The following XKR9 variants were observed in gnomAD, a reference collection of about 807,000 sequenced individuals.
XKR9 encodes XK-related protein 9.
Under a neutral mutation model 32.0 loss-of-function variants are expected in XKR9, and 32 were observed. The observed-to-expected ratio is 1.00, with a 90% confidence interval of 0.76 to 1.34. The LOEUF (loss-of-function observed/expected upper bound fraction) is 1.34, where lower values mean the gene tolerates loss of function less well. Ranked by LOEUF, XKR9 falls within the 40% of genes most tolerant of loss-of-function variation. XKR9 has a pLI of 0.00. For missense variants in XKR9, 546 were observed against 429.7 expected (o/e 1.27, Z -2.39); for synonymous variants, 168 against 143.4 (o/e 1.17, Z -1.22).
the XKR9 span, among the ~76,000 whole-genome samples, chr8:70,914,280 A>G: frequency 1.1e-4 from 17 of 152,298 alleles, no homozygotes; most frequent in Admixed American, 7.2e-4. Context: ...GCATCATAGC[A>G]GATACATATG....
At chr8:70,728,478 C>T (rs888681866) in intron 4 of XKR9, among the ~76,000 whole-genome samples, 7 of 152,064 alleles carry the variant, frequency 4.6e-5, no homozygotes, top group Non-Finnish European at 7.4e-5. Context: ...AGTTTTAGTA[C>T]AGCATTTAAG....
At chr8:70,858,016 A>G in the XKR9 span, among the ~76,000 whole-genome samples, 3 of 152,192 alleles carry the variant, frequency 2.0e-5, no homozygotes, top group African/African-American at 7.2e-5. Context: ...AGCATACTGA[A>G]TGGGCAAAAA....
At chr8:70,702,317 T>C (rs1204243929) in intron 3 of XKR9, among the ~76,000 whole-genome samples, 3 of 152,148 alleles carry the variant, frequency 2.0e-5, no homozygotes, top group South Asian at 2.1e-4. Flanking sequence ...CTTTTTGCCT[T>C]TATTAAGACT....
intron 4 of XKR9, among the ~76,000 whole-genome samples, chr8:70,730,712 A>G (rs1806635756): frequency 6.6e-6 from 1 of 152,188 alleles, no homozygotes; most frequent in Non-Finnish European, 1.5e-5. Context: ...ATAATAAACC[A>G]GAGAGAAATT....
At chr8:70,752,591 T>A (rs1807157815) in intron 2 of XKR9, among the ~76,000 whole-genome samples, 1 of 152,152 alleles carries the variant, frequency 6.6e-6, no homozygotes. Flanking sequence ...CCTCTTAAAG[T>A]CACAAGCTCC....
the XKR9 span, among the ~76,000 whole-genome samples, chr8:71,039,400 C>A: frequency 1.3e-5 from 2 of 152,086 alleles, no homozygotes; most frequent in African/African-American, 2.4e-5. Context: ...TAACACAAAG[C>A]AATTTTATAA....
intron 2 of XKR9, among the ~76,000 whole-genome samples, chr8:70,749,652 T>A (rs1185122380): frequency 6.6e-6 from 1 of 152,214 alleles, no homozygotes; most frequent in African/African-American, 2.4e-5. Context: ...TGGCTCACCC[T>A]TGGCAGGCAT....
chr8:70,797,199 T>G, the XKR9 span, among the ~76,000 whole-genome samples: 1 of 151,864 alleles, frequency 6.6e-6, no homozygotes, highest in Non-Finnish European at 1.5e-5. Context: ...ACAGTCAGAG[T>G]GAGGGGTGTG....
At chr8:70,788,409 G>T (rs779720592) in intron 2 of XKR9, among the ~76,000 whole-genome samples, 2 of 152,094 alleles carry the variant, frequency 1.3e-5, no homozygotes, top group African/African-American at 4.8e-5. Flanking sequence ...ATACAAGTAT[G>T]GTTGCTACCG....
the XKR9 span, among the ~76,000 whole-genome samples, chr8:71,042,014 C>T: frequency 0.017 from 2,551 of 152,072 alleles, 63 homozygotes; most frequent in African/African-American, 0.058. Flanking sequence ...ATGCCTATAT[C>T]GGATGCCATA....
chr8:71,039,941 ATCATT>A, the XKR9 span, among the ~76,000 whole-genome samples: 1 of 152,190 alleles, frequency 6.6e-6, no homozygotes, highest in Non-Finnish European at 1.5e-5. Context: ...TGGAAAAAGA[ATCATT>A]GATTGTTTTG....
chr8:70,996,717 A>C, the XKR9 span, among the ~76,000 whole-genome samples: 1 of 152,226 alleles, frequency 6.6e-6, no homozygotes, highest in Non-Finnish European at 1.5e-5. Flanking sequence ...TTGAGGAAAC[A>C]GTAAACAGTA....
At chr8:70,959,317 C>T in the XKR9 span, among the ~76,000 whole-genome samples, 1 of 152,108 alleles carries the variant, frequency 6.6e-6, no homozygotes, top group East Asian at 1.9e-4. Context: ...GGATATTATA[C>T]CAGTGATAGT....
chr8:70,716,892 C>A (rs1563444287), intron 4 of XKR9, among the ~76,000 whole-genome samples: 1 of 152,208 alleles, frequency 6.6e-6, no homozygotes, highest in Non-Finnish European at 1.5e-5. Flanking sequence ...AAGTTAGTTA[C>A]TTCCTAGATA....
chr8:70,999,990 T>C, the XKR9 span, among the ~76,000 whole-genome samples: 1 of 152,362 alleles, frequency 6.6e-6, no homozygotes, highest in Non-Finnish European at 1.5e-5. Context: ...TCTTTCATTC[T>C]TTCTCCCTAA....
chr8:70,987,152 C>G, the XKR9 span, among the ~76,000 whole-genome samples: 1 of 152,148 alleles, frequency 6.6e-6, no homozygotes, highest in African/African-American at 2.4e-5. Flanking sequence ...GGTGGGGACA[C>G]AGCCAAACCA....
At chr8:70,713,269 A>C (rs1805980760) in intron 4 of XKR9, among the ~76,000 whole-genome samples, 1 of 152,132 alleles carries the variant, frequency 6.6e-6, no homozygotes, top group African/African-American at 2.4e-5. Flanking sequence ...AAAATATGAG[A>C]GAGATATTAA....
At chr8:70,906,176 G>A in the XKR9 span, among the ~76,000 whole-genome samples, 11 of 152,332 alleles carry the variant, frequency 7.2e-5, no homozygotes, top group South Asian at 2.1e-3. Context: ...GGGCGTTTAA[G>A]TCTGCAGAAG....
At chr8:70,712,820 A>G (rs1586846110) in intron 4 of XKR9, among the ~76,000 whole-genome samples, 1 of 152,168 alleles carries the variant, frequency 6.6e-6, no homozygotes, top group Non-Finnish European at 1.5e-5. Context: ...GTCTGGCAGA[A>G]ATAAGAATAA....
Sources: allele counts gnomAD v4.1 joint callset (sites outside exome capture counted in the v4.1 genomes callset), GRCh38; gene constraint gnomAD v4.1.1; transcripts MANE v1.5; gene names NCBI Gene and HGNC (gene_info 2026-07-23, HGNC 2026-07-21).